Variants in CCN6 observed in about 807,000 individuals in gnomAD.
CCN6 encodes CCN family member 6.
CCN6 carries 31 observed loss-of-function variants against 37.4 expected under a neutral mutation model. That is an observed-to-expected ratio of 0.83 (90% CI 0.62 to 1.12). CCN6 has a LOEUF of 1.12. Among genes scored for constraint, CCN6 ranks in the 50% most tolerant of loss-of-function variants. CCN6 has a pLI of 0.00. For synonymous variants in CCN6, 137 were observed against 142.1 expected, an observed-to-expected ratio of 0.96 and a Z score of 0.26; for missense variants, 369 against 413.8, an observed-to-expected ratio of 0.89 and a Z score of 0.94.
At chr6:112,054,626 A>T in intron 1 of CCN6, 1 of 555,296 alleles carries the variant, frequency 1.8e-6, no homozygotes, top group South Asian at 2.0e-5. Flanking sequence ...CTTTCAGGTA[A>T]TGGCACCGAA....
rs587758948 is a variant in CCN6, at chr6:112,055,982, A to C, written c.48+1577A>C. On this transcript the variant is annotated intron_variant, in intron 1 of 4. Coordinates refer to ENST00000368666, the MANE Select transcript of CCN6 (RefSeq NM_198239.2). Reference sequence around the variant, plus strand: ...ATTACAGAGGAGATCAAATGATGGGAAGTTCTGTAAGATCACAGAGCTGTT... The same window carrying C: ...ATTACAGAGGAGATCAAATGATGGGCAGTTCTGTAAGATCACAGAGCTGTT... Among the ~76,000 whole-genome samples the C allele has an allele frequency of 2.1e-3, 322 of 152,304 alleles. 2 individuals carry two copies. The highest frequency in any genetic ancestry group is 7.6e-3 in the African/African-American group (314 of 41,576).
Position 112,054,167 on chromosome 6 carries a change from CAG to C in CCN6, c.-190_-189del, listed in dbSNP as rs1263906568. ...ATTAGAAGAGTCCCATGAAAGTAAA[CAG>C]GGTATTAAAACGGATCCTTAAAAAT... is the stretch of plus-strand genomic sequence containing the variant. On this transcript the variant is annotated 5_prime_UTR_variant, in exon 1 of 5. The change creates a premature stop within an existing upstream ORF in the 5' untranslated region. Coordinates refer to ENST00000368666, the MANE Select transcript of CCN6 (RefSeq NM_198239.2). The C allele has an allele frequency of 1.2e-6, 1 of 824,824 alleles. No homozygotes were observed. Among genetic ancestry groups the C allele is most frequent in the Admixed American group, 1.7e-5 (1 of 58,218 alleles). 51.1% of individuals were successfully genotyped at this position (824,824 alleles called of 1,614,324 possible).
At chr6:112,065,113 T>C (rs1304047028) in intron 3 of CCN6, 116 bp downstream of exon 3, 2 of 1,482,454 alleles carry the variant, frequency 1.3e-6, no homozygotes, top group Non-Finnish European at 1.9e-6. Flanking sequence ...GAGTGAGATA[T>C]AGTTTGAGTG....
At chr6:112,069,229 T>G (rs1044848087) in intron 4 of CCN6, 110 bp from the exon 5 acceptor site, 1 of 1,311,292 alleles carries the variant, frequency 7.6e-7, no homozygotes, top group Non-Finnish European at 1.0e-6. Context: ...ACATAGCAAC[T>G]TTTATTAATG....
intron 2 of CCN6, among the ~76,000 whole-genome samples, chr6:112,063,672 G>A (rs1272364113): frequency 6.6e-6 from 1 of 152,138 alleles, no homozygotes; most frequent in African/African-American, 2.4e-5. Flanking sequence ...TGCTGTCACA[G>A]TTGTTTTCCT....
chr6:112,067,146 TAA>T (rs1776721820), intron 3 of CCN6: 3 of 728,578 alleles, frequency 4.1e-6, no homozygotes, highest in South Asian at 4.4e-5. Flanking sequence ...GCACATACTT[TAA>T]AGAGACTATT....
At chr6:112,055,609 A>G (rs1776325379) in intron 1 of CCN6, among the ~76,000 whole-genome samples, 1 of 140,424 alleles carries the variant, frequency 7.1e-6, no homozygotes, top group Admixed American at 6.8e-5. Flanking sequence ...ATTTATTTAG[A>G]GACAGAGCCT....
intron 1 of CCN6, among the ~76,000 whole-genome samples, chr6:112,055,945 TA>T: frequency 6.6e-6 from 1 of 152,274 alleles, no homozygotes; most frequent in African/African-American, 2.4e-5. Context: ...AGGTGGTCAT[TA>T]TTAATCCCAT....
intron 3 of CCN6, chr6:112,067,081 A>G: frequency 7.6e-7 from 1 of 1,312,716 alleles, no homozygotes; most frequent in Non-Finnish European, 1.0e-6. Context: ...TGCAATTGCA[A>G]GAGACTCTAC....
rs372446599 is a variant in CCN6, at chr6:112,067,042, C to T, written c.590-1163C>T. On this transcript the variant is annotated intron_variant, in intron 3 of 4. Coordinates refer to ENST00000368666, the MANE Select transcript of CCN6 (RefSeq NM_198239.2). Reference sequence around the variant, plus strand: ...GTTGTCTACCTTCCAGGTATCTTCACGTTTCTGCTTCCTCTCCTCAGTTCT... The same window carrying T: ...GTTGTCTACCTTCCAGGTATCTTCATGTTTCTGCTTCCTCTCCTCAGTTCT... 8.6e-5 allele frequency: 118 copies of T among 1,365,952 alleles called. No homozygotes were observed. The African/African-American group carries it at 1.5e-3, about 17-fold the overall frequency. 84.6% of individuals were successfully genotyped at this position (1,365,952 alleles called of 1,614,324 possible).
At chr6:112,066,490 G>A (rs1187834871) in intron 3 of CCN6, among the ~76,000 whole-genome samples, 1 of 152,118 alleles carries the variant, frequency 6.6e-6, no homozygotes, top group Non-Finnish European at 1.5e-5. Context: ...GCATCAGATA[G>A]TCAGTCTTAG....
chr6:112,053,101 G>A (rs1312728194), upstream of CCN6, among the ~76,000 whole-genome samples: 2 of 152,044 alleles, frequency 1.3e-5, no homozygotes, highest in African/African-American at 4.8e-5. Flanking sequence ...GCAGGCAGGT[G>A]GGACGCCTCA....
rs181663224 is a variant in CCN6 at position 112,068,649 on chromosome 6, C to T, written c.783+251C>T. ...TGAATAAAAGATTTTGGTTGCTACA[C>T]TATAATTATGAAAACAGATATTATG... On this transcript the variant is annotated intron_variant, in intron 4 of 4. Transcript: ENST00000368666. 1.8e-3 allele frequency among the ~76,000 whole-genome samples: 281 copies of T among 152,184 alleles called. 1 individual carries two copies. Among genetic ancestry groups the T allele is most frequent in the African/African-American group, 6.7e-3 (280 of 41,522 alleles).
chr6:112,062,415 C>A (rs1554313070), intron 2 of CCN6, among the ~76,000 whole-genome samples: 1 of 152,200 alleles, frequency 6.6e-6, no homozygotes, highest in East Asian at 1.9e-4. Flanking sequence ...ACTTAGTGAC[C>A]ATCCACTACA....
At chr6:112,067,746 C>T (rs1236473700) in intron 3 of CCN6, among the ~76,000 whole-genome samples, 1 of 152,078 alleles carries the variant, frequency 6.6e-6, no homozygotes, top group African/African-American at 2.4e-5. Context: ...GTCTCATTCT[C>T]AAATATAATT....
chr6:112,067,122 T>C, intron 3 of CCN6: 2 of 1,001,194 alleles, frequency 2.0e-6, no homozygotes, highest in South Asian at 2.8e-5. Flanking sequence ...TGTCACAGTA[T>C]CAATTAAAAT....
intron 1 of CCN6, among the ~76,000 whole-genome samples, chr6:112,056,722 G>C (rs781965863): frequency 6.6e-6 from 1 of 152,240 alleles, no homozygotes; most frequent in African/African-American, 2.4e-5. Context: ...TTGCCATGTT[G>C]GCCAGGCTAG....
chr6:112,065,101 C>G (rs1776641119), intron 3 of CCN6, 104 bp downstream of exon 3: 3 of 1,544,400 alleles, frequency 1.9e-6, no homozygotes, highest in East Asian at 4.5e-5. Context: ...GATTGGTGGT[C>G]AGAGTGAGAT....
chr6:112,060,846 T>C (rs1776492552), intron 1 of CCN6, 145 bp from the exon 2 acceptor site: 1 of 938,376 alleles, frequency 1.1e-6, no homozygotes, highest in Non-Finnish European at 1.6e-6. Context: ...TTAAGGAGAG[T>C]AATTGTGTCA....
Sources: allele counts gnomAD v4.1 joint callset (sites outside exome capture counted in the v4.1 genomes callset), GRCh38; gene constraint gnomAD v4.1.1; transcripts MANE v1.5; gene names NCBI Gene and HGNC (gene_info 2026-07-23, HGNC 2026-07-21).